The following CDC25A variants were observed in gnomAD, a reference collection of about 807,000 sequenced individuals.
CDC25A encodes the protein cell division cycle 25A.
CDC25A carries 17 observed loss-of-function variants against 64.6 expected under a neutral mutation model. That is an observed-to-expected ratio of 0.26 (90% CI 0.18 to 0.39). The LOEUF (loss-of-function observed/expected upper bound fraction) is 0.39. Ranked by LOEUF, CDC25A falls within the 10% of genes least tolerant of loss-of-function variation. The pLI is 1.00. For synonymous variants in CDC25A, 229 were observed against 238.6 expected (o/e 0.96, Z 0.37); for missense variants, 473 against 654.8 (o/e 0.72, Z 3.03).
At position 48,157,808 on chromosome 3, in the gene CDC25A, C is replaced by T. The variant is rs2031580171; in HGVS notation, c.*1137G>A. On this transcript the variant is annotated 3_prime_UTR_variant, in exon 15 of 15. Coordinates refer to ENST00000302506, the MANE Select transcript of CDC25A (RefSeq NM_001789.3). ...TCATGTCCATGCCAGCACCCACTCC[C>T]TTCTCCTAATGCCCAGGGCTTCCAG... 6.5e-6 allele frequency: 1 copy of T among 152,872 alleles called. No individual in the cohort carries two copies. Among genetic ancestry groups the T allele is most frequent in the African/African-American group, 2.4e-5 (1 of 41,594 alleles). The allele number at this position is 152,872 out of a possible 1,614,324, so 9.5% of individuals were successfully genotyped here.
At position 48,188,136 on chromosome 3, in the gene CDC25A, C is replaced by G. The variant is rs2032919036; in HGVS notation, c.-189G>C. ...GCGGCCGGGCGGGTGTGCGGACCCT[C>G]CAGGCGCCAGCCACCAGCCACAGGC... On this transcript the variant is annotated 5_prime_UTR_variant, in exon 1 of 15. Transcript: ENST00000302506. 2.6e-6 allele frequency: 1 copy of G among 387,456 alleles called. No individual in the cohort carries two copies. The highest frequency in any genetic ancestry group is 4.7e-5 in the Admixed American group (1 of 21,156). The allele number at this position is 387,456 out of a possible 1,614,324, so 24.0% of individuals were successfully genotyped here. A position where few individuals can be genotyped will look rare whatever the true frequency, so the allele number is the denominator to read the frequency against.
intron 13 of CDC25A, among the ~76,000 whole-genome samples, chr3:48,159,972 C>T (rs1412958311): frequency 6.6e-6 from 1 of 152,110 alleles, no homozygotes; most frequent in East Asian, 1.9e-4. Context: ...AAGCCCGAGG[C>T]CCCAAGTCCT....
At chr3:48,171,975 G>A (rs1342222597) in intron 9 of CDC25A, among the ~76,000 whole-genome samples, 1 of 152,034 alleles carries the variant, frequency 6.6e-6, no homozygotes, top group Non-Finnish European at 1.5e-5. Context: ...GGGCAACACA[G>A]TAAGACCTCT....
intron 13 of CDC25A, chr3:48,161,252 C>T (rs760918155): frequency 3.9e-5 from 6 of 155,320 alleles, no homozygotes; most frequent in Non-Finnish European, 7.1e-5. Flanking sequence ...AAGTGGGGAA[C>T]GAAGTGTAAG....
At chr3:48,159,317 A>G in intron 14 of CDC25A, 27 bp downstream of exon 14, 1 of 1,509,896 alleles carries the variant, frequency 6.6e-7, no homozygotes, top group Non-Finnish European at 9.2e-7. Flanking sequence ...AGGGGAGGAG[A>G]GATGCTCTCC....
chr3:48,175,386 G>A (rs910761578), intron 8 of CDC25A, among the ~76,000 whole-genome samples: 3 of 152,134 alleles, frequency 2.0e-5, no homozygotes, highest in African/African-American at 7.2e-5. Context: ...CTCTCTAAAC[G>A]CATCTCAGCC....
In CDC25A at chr3:48,157,704, C is replaced by G. The variant is rs2031576878; in HGVS notation, c.*1241G>C. ...GGTGATGATTCATCACTCCCTGTCT[C>G]TAAAATTAAAACATGATAAACCCAG... On this transcript the variant is annotated 3_prime_UTR_variant, in exon 15 of 15. Coordinates refer to ENST00000302506, the MANE Select transcript of CDC25A (RefSeq NM_001789.3). 6.6e-6 allele frequency: 1 copy of G among 152,572 alleles called. No individual in the cohort carries two copies. Among genetic ancestry groups the G allele is most frequent in the African/African-American group, 2.4e-5 (1 of 41,406 alleles). The allele number at this position is 152,572 out of a possible 1,614,324, so 9.5% of individuals were successfully genotyped here.
intron 1 of CDC25A, among the ~76,000 whole-genome samples, chr3:48,187,368 G>A (rs2106773180): frequency 6.6e-6 from 1 of 152,344 alleles, no homozygotes; most frequent in Non-Finnish European, 1.5e-5. Context: ...GTCCTTTGTT[G>A]AGAAGGAACA....
chr3:48,167,809 C>T (rs374040109), intron 10 of CDC25A, 37 bp downstream of exon 10: 5 of 1,139,684 alleles, frequency 4.4e-6, no homozygotes, highest in African/African-American at 3.0e-5. Context: ...CCCACACTCC[C>T]TCCTACACTT....
At chr3:48,165,802 T>C in intron 11 of CDC25A, 29 bp downstream of exon 11, 3 of 1,590,994 alleles carry the variant, frequency 1.9e-6, no homozygotes, top group Non-Finnish European at 8.6e-7. Flanking sequence ...GTACCCGATG[T>C]GTGGTGGGTT....
At chr3:48,159,245 C>T in intron 14 of CDC25A, 99 bp downstream of exon 14, 2 of 1,272,224 alleles carry the variant, frequency 1.6e-6, no homozygotes, top group Non-Finnish European at 2.2e-6. Context: ...CCACCTTGTC[C>T]CCCGACCCCT....
rs76407389 is a variant in CDC25A, at chr3:48,174,151, C to T, written c.930+133G>A. Reference sequence around the variant, plus strand: ...TCTATTAAAAGAAACACACACACACCCACACACACACACAACCCCACAAAA... The same window carrying T: ...TCTATTAAAAGAAACACACACACACTCACACACACACACAACCCCACAAAA... On this transcript the variant is annotated intron_variant, in intron 9 of 14. Transcript: ENST00000302506. 8.6e-4 allele frequency: 610 copies of T among 708,132 alleles called. 3 individuals carry two copies. Among genetic ancestry groups the T allele is most frequent in the African/African-American group, 6.8e-3 (375 of 55,250 alleles). 43.9% of individuals were successfully genotyped at this position (708,132 alleles called of 1,614,324 possible). A position where few individuals can be genotyped will look rare whatever the true frequency, so the allele number is the denominator to read the frequency against.
intron 2 of CDC25A, among the ~76,000 whole-genome samples, chr3:48,185,704 G>C (rs1428020066): frequency 6.6e-6 from 1 of 152,124 alleles, no homozygotes; most frequent in Non-Finnish European, 1.5e-5. Context: ...ATGACACCAA[G>C]GTGTCCATCT....
intron 13 of CDC25A, among the ~76,000 whole-genome samples, chr3:48,160,103 T>A (rs1446223007): frequency 6.6e-6 from 1 of 152,128 alleles, no homozygotes; most frequent in Non-Finnish European, 1.5e-5. Context: ...ACTGGCCTTA[T>A]TTTCCTCTGA....
At chr3:48,183,440 A>AGAGTGC (rs2032738797) in intron 4 of CDC25A, among the ~76,000 whole-genome samples, 1 of 152,230 alleles carries the variant, frequency 6.6e-6, no homozygotes, top group Admixed American at 6.5e-5. Context: ...CTTGCCTATA[A>AGAGTGC]TCCTAGCACT....
chr3:48,167,960 GGTAGAGA>G lies in CDC25A; in HGVS notation c.931-23_931-17del. The stretch of plus-strand genomic sequence containing the variant: ...GATGAAGAGTCTGTAACAAATCAAA[GGTAGAGA>G]ATGAGACAAGGGTTCTGAATGGAAC... On this transcript the variant is annotated splice_polypyrimidine_tract_variant and intron_variant, in intron 9 of 14. Transcript: ENST00000302506. The G allele has an allele frequency of 6.9e-7, 1 of 1,452,532 alleles. No homozygotes were observed. The highest frequency in any genetic ancestry group is 9.7e-7 in the Non-Finnish European group (1 of 1,033,088). 90.0% of individuals were successfully genotyped at this position (1,452,532 alleles called of 1,614,324 possible). A position where few individuals can be genotyped will look rare whatever the true frequency, so the allele number is the denominator to read the frequency against.
intron 13 of CDC25A, among the ~76,000 whole-genome samples, chr3:48,162,882 T>C (rs150116946): frequency 9.0e-4 from 135 of 150,324 alleles, no homozygotes; most frequent in Middle Eastern, 7.1e-3. Flanking sequence ...GTGGGCACAG[T>C]GGCTCATGCC....
chr3:48,169,173 T>C (rs1227072083), intron 9 of CDC25A, among the ~76,000 whole-genome samples: 1 of 152,236 alleles, frequency 6.6e-6, no homozygotes, highest in Non-Finnish European at 1.5e-5. Context: ...CCAATATTCA[T>C]CCTGCCTTTC....
At chr3:48,167,994 T>G (rs2032100290) in intron 9 of CDC25A, 50 bp from the exon 10 acceptor site, 3 of 1,113,018 alleles carry the variant, frequency 2.7e-6, no homozygotes, top group African/African-American at 3.1e-5. Context: ...GAATGGAACT[T>G]CCGAAAACAT....
Sources: allele counts gnomAD v4.1 joint callset (sites outside exome capture counted in the v4.1 genomes callset), GRCh38; gene constraint gnomAD v4.1.1; transcripts MANE v1.5; gene names NCBI Gene and HGNC (gene_info 2026-07-23, HGNC 2026-07-21).